LTAP1: variants seen among roughly 807,000 people sequenced by gnomAD.
LTAP1 encodes the protein lipid transport auxiliary protein 1, also known as HCV NS5A-transactivated protein 4.
the LTAP1 span, chr1:154,207,556 T>C: frequency 6.2e-7 from 1 of 1,614,174 alleles, no homozygotes; most frequent in Admixed American, 1.7e-5. Flanking sequence ...GTATGTCACC[T>C]GGATGGTTGT....
chr1:154,213,804 C>G, the LTAP1 span: 17 of 1,075,032 alleles, frequency 1.6e-5, no homozygotes, highest in Admixed American at 6.4e-5. Flanking sequence ...GCAGAAAGGA[C>G]AAATCCTAAC....
the LTAP1 span, chr1:154,220,090 G>A: frequency 6.7e-6 from 5 of 748,794 alleles, 1 homozygote; most frequent in South Asian, 3.7e-5. Flanking sequence ...GTTATGATGG[G>A]GGTGGATCTA....
chr1:154,220,308 C>A, the LTAP1 span: 8 of 1,612,130 alleles, frequency 5.0e-6, no homozygotes, highest in East Asian at 1.1e-4. Context: ...GGGTAAGATG[C>A]GACAGCAGGA....
At chr1:154,213,865 A>G in the LTAP1 span, 34 of 1,598,014 alleles carry the variant, frequency 2.1e-5, no homozygotes, top group Admixed American at 3.4e-5. Context: ...TCAGGATCCT[A>G]GAATGGACCC....
the LTAP1 span, among the ~76,000 whole-genome samples, chr1:154,209,014 C>T: frequency 2.0e-5 from 3 of 152,158 alleles, no homozygotes; most frequent in Non-Finnish European, 4.4e-5. Context: ...TCCCAAAGTG[C>T]TGGGATTACA....
chr1:154,215,458 C>T, the LTAP1 span, among the ~76,000 whole-genome samples: 4 of 150,640 alleles, frequency 2.7e-5, no homozygotes, highest in East Asian at 2.0e-4. Context: ...CCCAGCTACT[C>T]GGGAGGCCGA....
At chr1:154,218,557 G>A in the LTAP1 span, among the ~76,000 whole-genome samples, 2 of 152,226 alleles carry the variant, frequency 1.3e-5, no homozygotes, top group Non-Finnish European at 2.9e-5. Flanking sequence ...AATAGCACTT[G>A]TTAATGAAAG....
chr1:154,214,693 TA>T, the LTAP1 span: 1 of 646,734 alleles, frequency 1.5e-6, no homozygotes, highest in Admixed American at 2.5e-5. Flanking sequence ...CATGCTCATG[TA>T]GTTAATAAAA....
chr1:154,210,961 G>A, the LTAP1 span, among the ~76,000 whole-genome samples: 1 of 151,854 alleles, frequency 6.6e-6, no homozygotes, highest in Non-Finnish European at 1.5e-5. Context: ...TTCAGACATG[G>A]TTACTAATAC....
chr1:154,217,665 T>C, the LTAP1 span, among the ~76,000 whole-genome samples: 6 of 151,906 alleles, frequency 3.9e-5, no homozygotes, highest in East Asian at 7.7e-4. Flanking sequence ...CCCGAGTAGT[T>C]AGGATTTTTT....
the LTAP1 span, chr1:154,207,324 A>G: frequency 3.7e-6 from 3 of 806,242 alleles, no homozygotes; most frequent in Non-Finnish European, 4.1e-6. Flanking sequence ...AACTCTGGAT[A>G]CAACGGGAAC....
chr1:154,212,710 G>A, the LTAP1 span: 1 of 1,476,204 alleles, frequency 6.8e-7, no homozygotes, highest in Non-Finnish European at 9.2e-7. Context: ...ACCCGGGCTG[G>A]AGTGCAGTGG....
At chr1:154,213,002 A>G in the LTAP1 span, among the ~76,000 whole-genome samples, 1 of 152,080 alleles carries the variant, frequency 6.6e-6, no homozygotes, top group Non-Finnish European at 1.5e-5. Context: ...TTAATTCCCC[A>G]AACTTAGAAG....
chr1:154,220,510 C>G, the LTAP1 span: 1 of 1,306,420 alleles, frequency 7.7e-7, no homozygotes, highest in Non-Finnish European at 1.1e-6. Context: ...CTGGAGCTCC[C>G]CGGCCATTTC....
At chr1:154,211,015 A>AT in the LTAP1 span, among the ~76,000 whole-genome samples, 29 of 148,980 alleles carry the variant, frequency 1.9e-4, no homozygotes, top group South Asian at 6.4e-4. Flanking sequence ...TTTAATTTTT[A>AT]TTTTTTTTTT....
At chr1:154,220,079 C>T in the LTAP1 span, 1 of 786,828 alleles carries the variant, frequency 1.3e-6, no homozygotes, top group Non-Finnish European at 2.0e-6. Flanking sequence ...AAAGCAAGGC[C>T]GTTATGATGG....
the LTAP1 span, among the ~76,000 whole-genome samples, chr1:154,214,954 C>T: frequency 6.6e-6 from 1 of 151,852 alleles, no homozygotes; most frequent in Non-Finnish European, 1.5e-5. Flanking sequence ...AAGCAATTCT[C>T]CTGCCTCAGC....
chr1:154,215,962 C>T, the LTAP1 span, among the ~76,000 whole-genome samples: 16 of 151,834 alleles, frequency 1.1e-4, no homozygotes, highest in East Asian at 2.0e-4. Context: ...CTCAGCCTCC[C>T]GAGTAGCTGG....
At chr1:154,219,987 G>GTTTTT in the LTAP1 span, 1 of 1,207,750 alleles carries the variant, frequency 8.3e-7, no homozygotes, top group Non-Finnish European at 1.1e-6. Context: ...GTTTTGTTTT[G>GTTTTT]TTTTTTTTTT....
Sources: gnomAD v4.1 joint callset for allele counts (sites outside exome capture counted in the v4.1 genomes callset) on GRCh38, gnomAD v4.1.1 for gene constraint, MANE v1.5 for transcripts, NCBI Gene and HGNC (gene_info 2026-07-23, HGNC 2026-07-21) for gene names.